Variants in EP400 observed in about 807,000 individuals in gnomAD.
The protein encoded by EP400 is E1A binding protein p400.
EP400 carries 105 observed loss-of-function variants against 354.1 expected under a neutral mutation model. That is an observed-to-expected ratio of 0.30 (90% CI 0.25 to 0.35). The LOEUF is 0.35. Among genes scored for constraint, EP400 ranks in the 10% least tolerant of loss-of-function variants. The pLI, the probability that EP400 is intolerant of heterozygous loss-of-function variation, is 1.00. For synonymous variants in EP400, 1,646 were observed against 1,716.9 expected (o/e 0.96, Z 1.02); for missense variants, 3,280 against 4,121.0 (o/e 0.80, Z 5.59).
intron 51 of EP400, 190 bp from the exon 52 acceptor site, chr12:132,076,326 G>C (rs1896237337): frequency 2.9e-6 from 2 of 691,804 alleles, no homozygotes; most frequent in Non-Finnish European, 5.3e-6. Flanking sequence ...GAGGCAGTCA[G>C]TTGACTCACC....
chr12:132,069,048 T>C (rs1034669666), intron 50 of EP400: 2 of 162,774 alleles, frequency 1.2e-5, no homozygotes, highest in Non-Finnish European at 2.7e-5. Context: ...ATGTACACAA[T>C]ATGATCTGCA....
chr12:132,011,456 A>G (rs754917709), intron 15 of EP400, 42 bp from the exon 16 acceptor site: 4 of 1,610,710 alleles, frequency 2.5e-6, no homozygotes, highest in Middle Eastern at 1.7e-4. Flanking sequence ...CCTGGACATG[A>G]CAGATACTTT....
intron 5 of EP400, among the ~76,000 whole-genome samples, chr12:131,983,364 T>TA (rs2136493536): frequency 6.6e-6 from 1 of 152,386 alleles, no homozygotes; most frequent in Admixed American, 6.5e-5. Flanking sequence ...TGTAAGGCGT[T>TA]ACTGATGCAG....
chr12:131,994,849 T>TG lies in EP400; in HGVS notation c.2738-17dup, dbSNP rs774711485. 2.5e-6 allele frequency: 4 copies of TG among 1,612,766 alleles called. No individual in the cohort carries two copies. In the African/African-American group the frequency reaches 5.3e-5, roughly 22 times the overall value. On this transcript the variant is annotated splice_polypyrimidine_tract_variant and intron_variant, in intron 11 of 52. Coordinates refer to ENST00000389561, the MANE Select transcript of EP400 (RefSeq NM_015409.5). This position sits in a 1 kb window ranked among gnomAD's most constrained non-coding sequence, Gnocchi z 4.6. Reference sequence around the variant, plus strand: ...AGTGGTGTTGCCTCTCAGTGACACTTGCTGATAACCATTTTAGTGGACGAT... The same window carrying TG: ...AGTGGTGTTGCCTCTCAGTGACACTTGGCTGATAACCATTTTAGTGGACGAT...
intron 39 of EP400, among the ~76,000 whole-genome samples, chr12:132,048,569 C>G (rs1483799802): frequency 6.9e-6 from 1 of 145,974 alleles, no homozygotes; most frequent in Non-Finnish European, 1.5e-5. Context: ...GTCACCTAGG[C>G]TGGAGTGCAG....
At position 132,050,245 on chromosome 12, in the gene EP400, C is replaced by A; in HGVS notation, c.7201-78C>A. ...TGGGGAGTTTAGCCTCAGATTCCCA[C>A]CCAGTGAGCCCTGTGTCCCACGCAG... On this transcript the variant is annotated intron_variant, in intron 39 of 52. Coordinates refer to ENST00000389561, the MANE Select transcript of EP400 (RefSeq NM_015409.5). This position sits in a 1 kb window ranked among gnomAD's most constrained non-coding sequence, Gnocchi z 4.8. 6.5e-7 allele frequency: 1 copy of A among 1,544,516 alleles called. No homozygotes were observed. The highest frequency in any genetic ancestry group is 8.8e-7 in the Non-Finnish European group (1 of 1,137,068).
chr12:131,992,161 C>A lies in EP400; in HGVS notation c.2680-12C>A. 6 of 1,604,834 alleles carry A rather than the reference C, an allele frequency of 3.7e-6. No homozygotes were observed. Among genetic ancestry groups the A allele is most frequent in the African/African-American group, 1.3e-5 (1 of 75,052 alleles). Reference sequence around the variant, plus strand: ...GATCTCATGCTTGTGGTTTTTCTTTCTTTTCTTTCAGGATTCAGGAATGTC... The same window carrying A: ...GATCTCATGCTTGTGGTTTTTCTTTATTTTCTTTCAGGATTCAGGAATGTC... On this transcript the variant is annotated splice_polypyrimidine_tract_variant and intron_variant, in intron 10 of 52. Transcript: ENST00000389561.
At chr12:132,024,163 T>C (rs922711673) in intron 24 of EP400, among the ~76,000 whole-genome samples, 2 of 152,236 alleles carry the variant, frequency 1.3e-5, no homozygotes, top group Non-Finnish European at 2.9e-5. Context: ...ACAGGCACTT[T>C]CGTTACCAGC....
At chr12:131,999,284 C>T (rs1022347523) in intron 12 of EP400, among the ~76,000 whole-genome samples, 2 of 152,130 alleles carry the variant, frequency 1.3e-5, no homozygotes, top group African/African-American at 2.4e-5. Context: ...CTGACGTGTC[C>T]TACGGTGTGC....
chr12:131,976,753 G>C (rs530074214), intron 2 of EP400, among the ~76,000 whole-genome samples: 2 of 152,104 alleles, frequency 1.3e-5, no homozygotes, highest in African/African-American at 4.8e-5. Context: ...CAAAAAACCT[G>C]CATACTCTTT....
At chr12:132,033,766 A>G (rs1894602393) in intron 30 of EP400, among the ~76,000 whole-genome samples, 2 of 152,026 alleles carry the variant, frequency 1.3e-5, no homozygotes, top group South Asian at 4.1e-4. Flanking sequence ...TCCTGGGCTC[A>G]AACAGTCAGC....
At position 132,067,474 on chromosome 12, in the gene EP400, C is replaced by T. The variant is rs778006306; in HGVS notation, c.8862C>T (p.Ala2954=). 3.7e-6 allele frequency: 6 copies of T among 1,612,898 alleles called. No individual in the cohort carries two copies. The highest frequency in any genetic ancestry group is 1.1e-5 in the South Asian group (1 of 91,036). ...CCCAGGCTGCACAGGGCCCGGCAGC[C>T]GTCCAGCAGAAGGTACCGGGGCTAG... The part of the protein sequence containing the change: ...IQPQAAQGPA[A]VQQKITAQQI... The change falls in exon 50 of 53, where the codon GCC becomes GCT. Residue 2954 remains alanine, a synonymous_variant. Coordinates refer to ENST00000389561, the MANE Select transcript of EP400 (RefSeq NM_015409.5). The surrounding 1 kb of genome is among the most constrained non-coding windows in gnomAD (Gnocchi z 5.3).
At chr12:132,049,623 G>C (rs1895229226) in intron 39 of EP400, among the ~76,000 whole-genome samples, 1 of 152,204 alleles carries the variant, frequency 6.6e-6, no homozygotes, top group Non-Finnish European at 1.5e-5. Context: ...GGAGCATGGG[G>C]GAAGAGCCCT....
Position 132,062,657 on chromosome 12 carries a change from G to T in EP400, c.8290G>T (p.Ala2764Ser). 1 of 1,614,082 alleles carries T rather than the reference G, an allele frequency of 6.2e-7. No homozygotes were observed. Among genetic ancestry groups the T allele is most frequent in the Non-Finnish European group, 8.5e-7 (1 of 1,180,010 alleles). Residue 2764 changes from alanine (A) to serine (S), a missense_variant, in exon 47 of 53, where the codon GCC (alanine) becomes TCC (serine). Physicochemically the swap from Ala to Ser is moderately conservative, Grantham distance 99. Around this residue, in one of 20 missense-constraint regions of EP400, gnomAD observed 47 missense variants for 55.6 expected, o/e 0.85. Coordinates refer to ENST00000389561, the MANE Select transcript of EP400 (RefSeq NM_015409.5). ...GCAAGTTCCACAGATCCAGGGCCAG[G>T]CCCAGTCCCCAGCACAGATCAAAGC... ...QVQVPQIQGQ[A>S]QSPAQIKAVG... is the part of the protein sequence containing the mutation.
In EP400 at chr12:132,044,315, C is replaced by G; in HGVS notation, c.6585+4C>G. Reference sequence around the variant, plus strand: ...GCGAGAGGATGCCTACAGCATGGTACCCGGCCCGGGGCCCTCCTGCCCTCT... The same window carrying G: ...GCGAGAGGATGCCTACAGCATGGTAGCCGGCCCGGGGCCCTCCTGCCCTCT... On this transcript the variant is annotated splice_donor_region_variant and intron_variant, in intron 35 of 52. Transcript: ENST00000389561. The G allele has an allele frequency of 1.2e-6, 2 of 1,611,708 alleles. No individual in the cohort carries two copies.
intron 35 of EP400, 127 bp downstream of exon 35, chr12:132,044,438 TATC>T: frequency 1.5e-6 from 2 of 1,355,976 alleles, no homozygotes; most frequent in East Asian, 5.0e-5. Context: ...TTACTTCTCA[TATC>T]AACACAACCT....
chr12:132,018,667 G>T lies in EP400; in HGVS notation c.4277+291G>T, dbSNP rs1252431472. ...TGCATTTGACCTGGTGCCTCGTGTG[G>T]TGGAGGCTGGTGTGGCCGAACCACA... is the stretch of plus-strand genomic sequence containing the variant. On this transcript the variant is annotated intron_variant, in intron 21 of 52. Transcript: ENST00000389561. The surrounding 1 kb of genome is among the most constrained non-coding windows in gnomAD (Gnocchi z 4.0). Among the ~76,000 whole-genome samples, 4 of 152,222 alleles carry T rather than the reference G, an allele frequency of 2.6e-5. No individual in the cohort carries two copies. The highest frequency in any genetic ancestry group is 5.9e-5 in the Non-Finnish European group (4 of 68,046).
At chr12:132,011,305 GC>G (rs1222232465) in intron 15 of EP400, among the ~76,000 whole-genome samples, 192 bp from the exon 16 acceptor site, 7 of 152,194 alleles carry the variant, frequency 4.6e-5, no homozygotes, top group African/African-American at 1.7e-4. Flanking sequence ...CGCCCTGGGG[GC>G]CAAGGAGCAG....
At chr12:131,996,832 T>C (rs1322268489) in intron 12 of EP400, among the ~76,000 whole-genome samples, 1 of 152,190 alleles carries the variant, frequency 6.6e-6, no homozygotes, top group Non-Finnish European at 1.5e-5. Context: ...CTTATTGACT[T>C]GTTGGTGATG....
Sources: gnomAD v4.1 joint callset for allele counts (sites outside exome capture counted in the v4.1 genomes callset) on GRCh38, gnomAD v4.1.1 for gene constraint, gnomAD v4.1.1 regional missense constraint, Gnocchi (gnomAD v3.1) non-coding constraint, MANE v1.5 for transcripts, NCBI Gene and HGNC (gene_info 2026-07-23, HGNC 2026-07-21) for gene names.